SPANXN2: variants seen among roughly 807,000 people sequenced by gnomAD.
The protein encoded by SPANXN2 is SPANX family member N2, also known as sperm protein associated with the nucleus on the X chromosome N2.
SPANXN2 carries 1 observed loss-of-function variant against 2.0 expected under a neutral mutation model. The observed-to-expected ratio is 0.50, with a 90% CI of 0.18 to 2.36. The LOEUF (loss-of-function observed/expected upper bound fraction) is 2.36, where lower values mean the gene tolerates loss of function less well. Among genes scored for constraint, SPANXN2 ranks in the 30% most tolerant of loss-of-function variants. SPANXN2 has a pLI of 0.26. For missense variants in SPANXN2, 88 were observed against 116.7 expected, an observed-to-expected ratio of 0.75 and a Z score of 1.13; for synonymous variants, 43 against 49.8, an observed-to-expected ratio of 0.86 and a Z score of 0.58.
intron 1 of SPANXN2, among the ~76,000 whole-genome samples, 156 bp from the exon 2 acceptor site, chrX:143,712,655 G>C (rs1489762124): frequency 1.4e-4 from 15 of 110,554 alleles, no homozygotes; most frequent in Admixed American, 5.8e-4. Flanking sequence ...GTGATCTATG[G>C]GGAAGAAGAA....
chrX:143,716,044 G>C (rs2124006718), intron 1 of SPANXN2, among the ~76,000 whole-genome samples: 1 of 111,132 alleles, frequency 9.0e-6, no homozygotes, highest in Non-Finnish European at 1.9e-5. Context: ...CTCTTAGAGG[G>C]GTTCCGGGAT....
At chrX:143,713,008 G>A (rs1400102157) in intron 1 of SPANXN2, among the ~76,000 whole-genome samples, 8 of 111,479 alleles carry the variant, frequency 7.2e-5, no homozygotes, top group African/African-American at 1.6e-4. Context: ...GCCTGTAAGC[G>A]GCGGTGGGCT....
At chrX:143,720,389 C>T (rs1426045863) in intron 1 of SPANXN2, among the ~76,000 whole-genome samples, 3 of 95,021 alleles carry the variant, frequency 3.2e-5, no homozygotes, top group Non-Finnish European at 4.2e-5. Flanking sequence ...AATATCCTGC[C>T]GGGCAGCAAG....
intron 1 of SPANXN2, among the ~76,000 whole-genome samples, 192 bp from the exon 2 acceptor site, chrX:143,712,691 T>G (rs148748435): frequency 1.0e-3 from 112 of 111,043 alleles, no homozygotes; most frequent in East Asian, 7.5e-3. Context: ...GGTCATCTGT[T>G]AGTCCAAACT....
At chrX:143,717,420 C>T (rs1556450027) in intron 1 of SPANXN2, among the ~76,000 whole-genome samples, 1 of 111,618 alleles carries the variant, frequency 9.0e-6, no homozygotes, top group East Asian at 2.8e-4. Flanking sequence ...CGAGAAAAAC[C>T]TTTCAACAAA....
chrX:143,718,306 G>A (rs1337703280), intron 1 of SPANXN2, among the ~76,000 whole-genome samples: 51 of 110,817 alleles, frequency 4.6e-4, no homozygotes, highest in African/African-American at 1.6e-3. Context: ...TACTTGGCCG[G>A]CGTTACACCT....
chrX:143,713,708 TG>T (rs782701407), intron 1 of SPANXN2, among the ~76,000 whole-genome samples: 9 of 111,505 alleles, frequency 8.1e-5, no homozygotes, highest in African/African-American at 2.3e-4. Context: ...CGCTCACCCC[TG>T]GGGTACTCAC....
At chrX:143,716,348 C>T (rs1449887297) in intron 1 of SPANXN2, among the ~76,000 whole-genome samples, 1 of 110,158 alleles carries the variant, frequency 9.1e-6, no homozygotes, top group African/African-American at 3.3e-5. Flanking sequence ...GCCCCTTCCC[C>T]ACATAAAAAA....
rs1428880281 is a variant in SPANXN2 at position 143,715,291 on chromosome X, A to G, written c.79-2792T>C. 1.8e-4 allele frequency among the ~76,000 whole-genome samples: 11 copies of G among 60,580 alleles called. 1 individual carries two copies. In the Middle Eastern group the frequency reaches 0.026, roughly 142 times the overall value. The allele number at this position is 60,580 out of a possible 115,157, so 52.6% of individuals were successfully genotyped here. A position where few individuals can be genotyped will look rare whatever the true frequency, so the allele number is the denominator to read the frequency against. Reference sequence around the variant, plus strand: ...CTGTTCTTCGATCTCTATTGTGAGAATCAATAAAATCCCCTCTAGGCACAG... The same window carrying G: ...CTGTTCTTCGATCTCTATTGTGAGAGTCAATAAAATCCCCTCTAGGCACAG... On this transcript the variant is annotated intron_variant, in intron 1 of 1. Transcript: ENST00000598475.
intron 1 of SPANXN2, among the ~76,000 whole-genome samples, chrX:143,716,297 C>T (rs1436031664): frequency 4.5e-5 from 5 of 110,940 alleles, no homozygotes; most frequent in Non-Finnish European, 9.4e-5. Flanking sequence ...CCCTAATTCT[C>T]GAGCCATCCC....
chrX:143,715,433 C>T (rs1932242820), intron 1 of SPANXN2, among the ~76,000 whole-genome samples: 1 of 110,293 alleles, frequency 9.1e-6, no homozygotes, highest in South Asian at 4.0e-4. Flanking sequence ...TTCCAGAACT[C>T]CATGCAATGT....
intron 1 of SPANXN2, 134 bp downstream of exon 1, chrX:143,720,457 G>T (rs192339212): frequency 8.8e-6 from 5 of 570,134 alleles, no homozygotes; most frequent in African/African-American, 5.2e-5. Flanking sequence ...TGTAAGCGGC[G>T]GTGGGTTCTG....
chrX:143,713,831 A>C (rs1455855039), intron 1 of SPANXN2, among the ~76,000 whole-genome samples: 2 of 110,202 alleles, frequency 1.8e-5, no homozygotes, highest in African/African-American at 6.7e-5. Flanking sequence ...TAATCTAAAA[A>C]ACTTTCTTCA....
chrX:143,718,358 C>A (rs1417155023), intron 1 of SPANXN2, among the ~76,000 whole-genome samples: 1 of 111,202 alleles, frequency 9.0e-6, no homozygotes, highest in East Asian at 2.8e-4. Context: ...GCTTACTTGA[C>A]CCAGCCTAAA....
At position 143,715,588 on chromosome X, in the gene SPANXN2, A is replaced by G. The variant is rs781943830; in HGVS notation, c.79-3089T>C. On this transcript the variant is annotated intron_variant, in intron 1 of 1. Transcript: ENST00000598475. Reference sequence around the variant, plus strand: ...TAAACCCACAATAGCCACACATCACATCCCAGTTAAAATAACCCTTCAAAA... The same window carrying G: ...TAAACCCACAATAGCCACACATCACGTCCCAGTTAAAATAACCCTTCAAAA... Among the ~76,000 whole-genome samples the G allele has an allele frequency of 8.0e-4, 85 of 106,794 alleles. 1 individual carries two copies. Among genetic ancestry groups the G allele is most frequent in the South Asian group, 5.6e-3 (13 of 2,332 alleles). The allele number at this position is 106,794 out of a possible 115,157, so 92.7% of individuals were successfully genotyped here.
chrX:143,716,781 TC>T (rs1385817672), intron 1 of SPANXN2, among the ~76,000 whole-genome samples: 1 of 111,939 alleles, frequency 8.9e-6, no homozygotes, highest in African/African-American at 3.2e-5. Context: ...TATTGCATCT[TC>T]CCATTATCTA....
At chrX:143,713,239 G>T (rs1932198590) in intron 1 of SPANXN2, among the ~76,000 whole-genome samples, 1 of 111,726 alleles carries the variant, frequency 9.0e-6, no homozygotes, top group African/African-American at 3.3e-5. Context: ...CCTGCTTCCA[G>T]ATCCTGAGTG....
chrX:143,719,436 C>A (rs1160041022), intron 1 of SPANXN2, among the ~76,000 whole-genome samples: 1 of 111,954 alleles, frequency 8.9e-6, no homozygotes, highest in Non-Finnish European at 1.9e-5. Flanking sequence ...CCACTACCAA[C>A]ATTTCCTATC....
intron 1 of SPANXN2, among the ~76,000 whole-genome samples, chrX:143,719,114 C>A (rs1260996688): frequency 9.1e-6 from 1 of 110,352 alleles, no homozygotes; most frequent in Non-Finnish European, 1.9e-5. Context: ...GGCTAATCAC[C>A]TTTCCCCCCC....
Sources: allele counts gnomAD v4.1 joint callset (sites outside exome capture counted in the v4.1 genomes callset), GRCh38; gene constraint gnomAD v4.1.1; transcripts MANE v1.5; gene names NCBI Gene and HGNC (gene_info 2026-07-23, HGNC 2026-07-21).